The following TSPAN14 variants were observed in gnomAD, a reference collection of about 807,000 sequenced individuals.
The protein encoded by TSPAN14 is tetraspanin-14.
TSPAN14 carries 16 observed loss-of-function variants against 36.6 expected under a neutral mutation model. The observed-to-expected ratio is 0.44, with a 90% CI of 0.30 to 0.66. The LOEUF (loss-of-function observed/expected upper bound fraction) is 0.66, where lower values mean the gene tolerates loss of function less well. Among genes scored for constraint, TSPAN14 ranks in the 30% least tolerant of loss-of-function variants. The pLI, the probability that TSPAN14 is intolerant of heterozygous loss-of-function variation, is 0.12. For missense variants in TSPAN14, 231 were observed against 355.1 expected (o/e 0.65, Z 2.81); for synonymous variants, 139 against 143.8 (o/e 0.97, Z 0.24).
At chr10:80,488,155 A>G (rs1847726911) in intron 1 of TSPAN14, among the ~76,000 whole-genome samples, 1 of 151,330 alleles carries the variant, frequency 6.6e-6, no homozygotes, top group South Asian at 2.1e-4. Flanking sequence ...GGGGGCTGGC[A>G]TGGGACCACT....
At chr10:80,511,577 G>C (rs1840620290) in intron 5 of TSPAN14, among the ~76,000 whole-genome samples, 1 of 152,140 alleles carries the variant, frequency 6.6e-6, no homozygotes. Flanking sequence ...GGTATGTTGT[G>C]CCTGGCAGTG....
chr10:80,460,877 A>G (rs1845931647), intron 1 of TSPAN14, among the ~76,000 whole-genome samples: 1 of 152,130 alleles, frequency 6.6e-6, no homozygotes. Flanking sequence ...CAGTCTGACA[A>G]CTTTGTGGTT....
intron 2 of TSPAN14, among the ~76,000 whole-genome samples, chr10:80,490,318 G>C (rs1337410277): frequency 6.6e-6 from 1 of 152,114 alleles, no homozygotes; most frequent in Non-Finnish European, 1.5e-5. Context: ...TCAGAGGAAG[G>C]GCTGGACCAG....
chr10:80,508,177 G>A (rs897340520), intron 4 of TSPAN14, among the ~76,000 whole-genome samples: 79 of 150,548 alleles, frequency 5.2e-4, no homozygotes, highest in African/African-American at 1.8e-3. Context: ...GTGCAGTGGC[G>A]TGATCTCGGC....
At chr10:80,478,678 G>A (rs1367443752) in intron 1 of TSPAN14, among the ~76,000 whole-genome samples, 1 of 152,200 alleles carries the variant, frequency 6.6e-6, no homozygotes, top group Non-Finnish European at 1.5e-5. Flanking sequence ...AGGTGGGGGA[G>A]TGATGCCTTC....
intron 1 of TSPAN14, among the ~76,000 whole-genome samples, chr10:80,482,443 C>T (rs554261559): frequency 1.3e-5 from 2 of 150,966 alleles, no homozygotes; most frequent in African/African-American, 4.9e-5. Flanking sequence ...CCCGCCACCA[C>T]GCCTGGCTAA....
intron 6 of TSPAN14, among the ~76,000 whole-genome samples, chr10:80,513,610 C>T (rs1366744601): frequency 6.6e-6 from 1 of 152,164 alleles, no homozygotes; most frequent in African/African-American, 2.4e-5. Flanking sequence ...TTTTCCATGA[C>T]CTGTGAGTTA....
chr10:80,463,166 C>A (rs560587603), intron 1 of TSPAN14: 1 of 152,198 alleles, frequency 6.6e-6, no homozygotes. Flanking sequence ...GCCTGACCCC[C>A]TCCTTCCCCT....
At chr10:80,456,111 A>G (rs58082336) in intron 1 of TSPAN14, among the ~76,000 whole-genome samples, 5,357 of 152,214 alleles carry the variant, frequency 0.035, 221 homozygotes, top group South Asian at 0.13. Flanking sequence ...TGTTGCAGGC[A>G]CTATTCCAAG....
chr10:80,510,489 T>C (rs1382563480), intron 5 of TSPAN14, among the ~76,000 whole-genome samples: 1 of 152,212 alleles, frequency 6.6e-6, no homozygotes, highest in Non-Finnish European at 1.5e-5. Flanking sequence ...CACGTAGCCT[T>C]GGCTTGCCTG....
rs145977133 is a variant in TSPAN14 at position 80,467,880 on chromosome 10, TTA to T, written c.-18+13511_-18+13512del. On this transcript the variant is annotated intron_variant, in intron 1 of 8. Transcript: ENST00000429989. ...CTTGGAAATGGCACATTACTTTTGT[TTA>T]TTAGTGTAGCCCCTCTGTTGTGAAG... 7.8e-3 allele frequency among the ~76,000 whole-genome samples: 1,190 copies of T among 152,272 alleles called. 17 individuals carry two copies. The highest frequency in any genetic ancestry group is 0.027 in the African/African-American group (1,131 of 41,540).
intron 2 of TSPAN14, among the ~76,000 whole-genome samples, chr10:80,490,750 T>C (rs1280195273): frequency 1.3e-5 from 2 of 151,912 alleles, no homozygotes; most frequent in Non-Finnish European, 2.9e-5. Context: ...AGAAGAAAAA[T>C]TTGGACACTG....
chr10:80,459,754 G>T (rs1179266322), intron 1 of TSPAN14, among the ~76,000 whole-genome samples: 1 of 152,196 alleles, frequency 6.6e-6, no homozygotes. Flanking sequence ...CACAGCAGTG[G>T]AAGGAAATGG....
chr10:80,516,287 T>C lies in TSPAN14; in HGVS notation c.705T>C (p.Ile235=), dbSNP rs35179410. Residue 235 remains isoleucine, a synonymous_variant, in exon 8 of 9, where the codon ATT becomes ATC. Coordinates refer to ENST00000429989, the Ensembl canonical transcript of TSPAN14. ...GCTGGCTCCCGCGGAACATTTACAT[T>C]GTGGCTGGCGTCTTCATCGCCATCT... is the stretch of plus-strand genomic sequence containing the variant. 15,562 of 1,614,198 alleles carry C rather than the reference T, an allele frequency of 9.6e-3. 1,254 individuals carry two copies. In the African/African-American group the frequency reaches 0.18, roughly 18 times the overall value.
At chr10:80,503,379 G>A (rs995441099) in intron 2 of TSPAN14, among the ~76,000 whole-genome samples, 23 of 152,172 alleles carry the variant, frequency 1.5e-4, no homozygotes, top group Non-Finnish European at 3.1e-4. Flanking sequence ...GATGTACTCC[G>A]TGAATATTTG....
At chr10:80,503,825 C>T (rs1021213955) in intron 2 of TSPAN14, among the ~76,000 whole-genome samples, 1 of 152,006 alleles carries the variant, frequency 6.6e-6, no homozygotes, top group Non-Finnish European at 1.5e-5. Flanking sequence ...TGTTATTTAT[C>T]GTGAGATGGT....
intron 1 of TSPAN14, among the ~76,000 whole-genome samples, chr10:80,469,523 TCTCCTG>T (rs1846423518): frequency 6.6e-6 from 1 of 152,118 alleles, no homozygotes; most frequent in South Asian, 2.1e-4. Flanking sequence ...AGACCCTGAC[TCTCCTG>T]CTCAGCTACC....
intron 2 of TSPAN14, among the ~76,000 whole-genome samples, chr10:80,504,083 C>T (rs1029729487): frequency 3.3e-5 from 5 of 152,156 alleles, no homozygotes; most frequent in African/African-American, 1.2e-4. Flanking sequence ...TAGAGCAAGC[C>T]TATTTTCATT....
intron 1 of TSPAN14, among the ~76,000 whole-genome samples, chr10:80,465,071 T>A (rs1846167260): frequency 6.6e-6 from 1 of 152,134 alleles, no homozygotes; most frequent in Non-Finnish European, 1.5e-5. Flanking sequence ...TCCCTGTGCT[T>A]GCCTGGAACA....
Sources: gnomAD v4.1 joint callset for allele counts (sites outside exome capture counted in the v4.1 genomes callset) on GRCh38, gnomAD v4.1.1 for gene constraint, MANE v1.5 for transcripts, NCBI Gene and HGNC (gene_info 2026-07-23, HGNC 2026-07-21) for gene names.